The following SLC8A1 variants were observed in gnomAD, a reference collection of about 807,000 sequenced individuals.
The protein encoded by SLC8A1 is solute carrier family 8 member A1, also known as sodium/calcium exchanger 1.
In SLC8A1, 18 loss-of-function variants were observed where a neutral mutation model predicts 68.3. The ratio of observed to expected loss-of-function variants is 0.26; its 90% CI spans 0.18 to 0.39. The LOEUF (loss-of-function observed/expected upper bound fraction) is 0.39, where lower values mean the gene tolerates loss of function less well. Ranked by LOEUF, SLC8A1 falls within the 10% of genes least tolerant of loss-of-function variation. The pLI is 1.00. For missense variants in SLC8A1, 985 were observed against 1,156.7 expected (o/e 0.85, Z 2.15); for synonymous variants, 475 against 415.5 (o/e 1.14, Z -1.74).
chr2:40,357,139 T>C (rs1416129694), intron 2 of SLC8A1, among the ~76,000 whole-genome samples: 1 of 152,070 alleles, frequency 6.6e-6, no homozygotes, highest in East Asian at 1.9e-4. Flanking sequence ...ACCTGCAGAG[T>C]GTATTTTGAT....
At chr2:40,333,523 T>A (rs1039650254) in intron 2 of SLC8A1, among the ~76,000 whole-genome samples, 4 of 151,266 alleles carry the variant, frequency 2.6e-5, no homozygotes, top group African/African-American at 7.3e-5. Flanking sequence ...AGGTAACCAA[T>A]GTTATTGGGG....
At chr2:40,465,005 A>G (rs1703578031) in intron 1 of SLC8A1, among the ~76,000 whole-genome samples, 1 of 152,170 alleles carries the variant, frequency 6.6e-6, no homozygotes, top group African/African-American at 2.4e-5. Context: ...GTGCCAGAAC[A>G]CTATAGAAGC....
chr2:40,196,099 G>T (rs1465251746), intron 2 of SLC8A1, among the ~76,000 whole-genome samples: 1 of 151,692 alleles, frequency 6.6e-6, no homozygotes, highest in African/African-American at 2.4e-5. Flanking sequence ...AACTTTATGG[G>T]GGTGGGGGGA....
At chr2:40,431,664 G>T (rs1698332355) in intron 1 of SLC8A1, among the ~76,000 whole-genome samples, 1 of 152,154 alleles carries the variant, frequency 6.6e-6, no homozygotes, top group African/African-American at 2.4e-5. Context: ...AGATAAAGCA[G>T]CAATAGGAAG....
intron 1 of SLC8A1, among the ~76,000 whole-genome samples, chr2:40,432,328 T>C (rs965584566): frequency 7.3e-5 from 11 of 151,130 alleles, no homozygotes; most frequent in South Asian, 6.3e-4. Flanking sequence ...CAAATATAAA[T>C]ATCAGAAGGT....
At chr2:40,457,378 G>A (rs1052791154) in intron 1 of SLC8A1, among the ~76,000 whole-genome samples, 3 of 152,212 alleles carry the variant, frequency 2.0e-5, no homozygotes, top group East Asian at 1.9e-4. Flanking sequence ...CCAAGGCACC[G>A]TTTATGATAT....
chr2:40,202,374 C>A (rs1437949571), intron 2 of SLC8A1, among the ~76,000 whole-genome samples: 1 of 151,980 alleles, frequency 6.6e-6, no homozygotes, highest in Non-Finnish European at 1.5e-5. Context: ...TCTGAATTTA[C>A]CATCAGATTT....
In SLC8A1 at chr2:40,441,274, G is replaced by C. The variant is rs190933177; in HGVS notation, c.-25+10630C>G. Among the ~76,000 whole-genome samples, 1,010 of 152,088 alleles carry C rather than the reference G, an allele frequency of 6.6e-3. 41 individuals carry two copies. Among genetic ancestry groups the C allele is most frequent in the Admixed American group, 0.057 (872 of 15,254 alleles). Reference sequence around the variant, plus strand: ...TACAAACCACTGCTCAAGGAAATAAGGGAGGACAGAAATGGAAAAACATTC... The same window carrying C: ...TACAAACCACTGCTCAAGGAAATAACGGAGGACAGAAATGGAAAAACATTC... On this transcript the variant is annotated intron_variant, in intron 1 of 7. Transcript: ENST00000406785.
At chr2:40,318,241 G>A (rs1274372972) in intron 2 of SLC8A1, among the ~76,000 whole-genome samples, 5 of 151,982 alleles carry the variant, frequency 3.3e-5, no homozygotes, top group African/African-American at 1.2e-4. Context: ...CTAGAGGAAT[G>A]GTTCAAAATA....
At position 40,154,335 on chromosome 2, in the gene SLC8A1, GCT is replaced by G. The variant is rs1398157049; in HGVS notation, c.2161+6428_2161+6429del. 2.9e-5 allele frequency among the ~76,000 whole-genome samples: 3 copies of G among 101,896 alleles called. No homozygotes were observed. In the East Asian group the frequency reaches 8.7e-4, roughly 30 times the overall value. The allele number at this position is 101,896 out of a possible 152,430, so 66.8% of individuals were successfully genotyped here. A position where few individuals can be genotyped will look rare whatever the true frequency, so the allele number is the denominator to read the frequency against. ...TTTTTTTTTTTTGAGACGGAGTCTT[GCT>G]CTGTCACCCAGGCTGGAGTGCAGTG... On this transcript the variant is annotated intron_variant, in intron 6 of 7. Coordinates refer to ENST00000406785, the Ensembl canonical transcript of SLC8A1.
intron 2 of SLC8A1, among the ~76,000 whole-genome samples, chr2:40,337,010 C>G (rs58347445): frequency 6.6e-6 from 1 of 152,060 alleles, no homozygotes; most frequent in African/African-American, 2.4e-5. Context: ...TTAAAGATGC[C>G]TAAGAAGATA....
In SLC8A1 at chr2:40,401,822, G is replaced by T. The variant is rs535970496; in HGVS notation, c.1808+26651C>A. On this transcript the variant is annotated intron_variant, in intron 2 of 7. Coordinates refer to ENST00000406785, the Ensembl canonical transcript of SLC8A1. ...GGTTATGAGGTTAATTCATTAAAATGAGTAAAGGCTCTTAATGATTCTTTC... is the reference window on the plus strand; with the variant it reads ...GGTTATGAGGTTAATTCATTAAAATTAGTAAAGGCTCTTAATGATTCTTTC... 1.4e-3 allele frequency among the ~76,000 whole-genome samples: 217 copies of T among 152,222 alleles called. 1 individual carries two copies. Among genetic ancestry groups the T allele is most frequent in the Non-Finnish European group, 1.5e-3 (100 of 67,998 alleles).
intron 4 of SLC8A1, among the ~76,000 whole-genome samples, chr2:40,166,276 G>A (rs1295452997): frequency 6.6e-6 from 1 of 152,168 alleles, no homozygotes; most frequent in Non-Finnish European, 1.5e-5. Context: ...GCTGCTCGTT[G>A]TGAGGGCAGG....
At chr2:40,337,160 A>T (rs140405427) in intron 2 of SLC8A1, among the ~76,000 whole-genome samples, 2,047 of 152,318 alleles carry the variant, frequency 0.013, 21 homozygotes, top group Middle Eastern at 0.037. Context: ...CATAGTTTAC[A>T]GTGCTGTGTA....
At chr2:40,406,048 G>A (rs907218996) in intron 2 of SLC8A1, among the ~76,000 whole-genome samples, 2 of 152,044 alleles carry the variant, frequency 1.3e-5, no homozygotes, top group Non-Finnish European at 2.9e-5. Context: ...CTATAGCACT[G>A]AACTCCCAAA....
At chr2:40,178,283 G>T in intron 2 of SLC8A1, 104 bp downstream of exon 3, 1 of 850,616 alleles carries the variant, frequency 1.2e-6, no homozygotes, top group Non-Finnish European at 2.0e-6. Context: ...TACATAGGTG[G>T]AGGGATGTGT....
chr2:40,139,297 G>A, intron 7 of SLC8A1, 104 bp downstream of exon 10: 1 of 1,290,524 alleles, frequency 7.7e-7, no homozygotes, highest in Non-Finnish European at 1.1e-6. Context: ...TCTTTCATAG[G>A]TCTTGGTTTG....
intron 2 of SLC8A1, among the ~76,000 whole-genome samples, chr2:40,255,476 C>T (rs1034252903): frequency 6.6e-6 from 1 of 152,162 alleles, no homozygotes; most frequent in Non-Finnish European, 1.5e-5. Flanking sequence ...TCTCCACTAT[C>T]ATCAAAAAGA....
intron 2 of SLC8A1, among the ~76,000 whole-genome samples, chr2:40,202,021 C>G (rs191913280): frequency 3.4e-4 from 51 of 152,062 alleles, no homozygotes; most frequent in Admixed American, 2.8e-3. Flanking sequence ...TGTGTGTACA[C>G]ATGCTGGTGT....
Sources: gnomAD v4.1 joint callset for allele counts (sites outside exome capture counted in the v4.1 genomes callset) on GRCh38, gnomAD v4.1.1 for gene constraint, MANE v1.5 for transcripts, NCBI Gene and HGNC (gene_info 2026-07-23, HGNC 2026-07-21) for gene names.